The following KCNH8 variants were observed in gnomAD, a reference collection of about 807,000 sequenced individuals.
KCNH8 encodes the protein voltage-gated delayed rectifier potassium channel KCNH8.
A neutral mutation model predicts 103.6 loss-of-function variants in KCNH8; 70 were observed. The observed-to-expected ratio is 0.68, with a 90% CI of 0.56 to 0.82. The LOEUF is 0.82. Among genes scored for constraint, KCNH8 ranks in the 40% least tolerant of loss-of-function variants. The pLI is 0.00. For missense variants in KCNH8, 1,217 were observed against 1,329.9 expected (o/e 0.92, Z 1.32); for synonymous variants, 498 against 489.4 (o/e 1.02, Z -0.23).
chr3:19,423,841 C>T (rs913402086), intron 7 of KCNH8, among the ~76,000 whole-genome samples: 1 of 152,050 alleles, frequency 6.6e-6, no homozygotes, highest in African/African-American at 2.4e-5. Context: ...ACTTTTAGTT[C>T]TTTAAGGAAT....
chr3:19,462,986 A>G (rs2067663809), intron 11 of KCNH8, among the ~76,000 whole-genome samples: 1 of 152,160 alleles, frequency 6.6e-6, no homozygotes, highest in African/African-American at 2.4e-5. Flanking sequence ...AAAATCATCA[A>G]AAAGTGGTGT....
At chr3:19,218,776 TC>T (rs2063842073) in intron 1 of KCNH8, among the ~76,000 whole-genome samples, 1 of 152,178 alleles carries the variant, frequency 6.6e-6, no homozygotes. Context: ...TGTTCCTAGC[TC>T]CTCTCCTAGC....
intron 7 of KCNH8, among the ~76,000 whole-genome samples, chr3:19,420,187 G>A (rs547842901): frequency 2.8e-4 from 43 of 152,242 alleles, no homozygotes; most frequent in African/African-American, 9.1e-4. Context: ...TCATTGCTAC[G>A]GCTGCCACTG....
intron 3 of KCNH8, among the ~76,000 whole-genome samples, chr3:19,307,736 C>T (rs538118299): frequency 1.6e-4 from 24 of 151,952 alleles, no homozygotes; most frequent in Admixed American, 1.4e-3. Flanking sequence ...AAAGAAATCC[C>T]GTCATTCATG....
At chr3:19,476,770 G>A (rs1351341332) in intron 11 of KCNH8, among the ~76,000 whole-genome samples, 1 of 151,872 alleles carries the variant, frequency 6.6e-6, no homozygotes, top group Non-Finnish European at 1.5e-5. Context: ...AGAATGATAT[G>A]AGCCACGTAT....
chr3:19,191,699 CT>C (rs1004628291), intron 1 of KCNH8, among the ~76,000 whole-genome samples: 1 of 151,762 alleles, frequency 6.6e-6, no homozygotes, highest in Non-Finnish European at 1.5e-5. Context: ...TTGTCCTCTA[CT>C]GTCCAACCCT....
At chr3:19,174,074 G>A (rs1044435923) in intron 1 of KCNH8, among the ~76,000 whole-genome samples, 5 of 151,108 alleles carry the variant, frequency 3.3e-5, no homozygotes, top group African/African-American at 9.8e-5. Context: ...ACTCTACACC[G>A]CTTGATTCTG....
At chr3:19,419,208 T>TG (rs1424046626) in intron 7 of KCNH8, among the ~76,000 whole-genome samples, 9 of 141,698 alleles carry the variant, frequency 6.4e-5, no homozygotes, top group African/African-American at 2.1e-4. Context: ...TTTTTTTTTT[T>TG]TTTTTTTTTG....
At chr3:19,373,822 T>C (rs954196989) in intron 5 of KCNH8, among the ~76,000 whole-genome samples, 11 of 152,298 alleles carry the variant, frequency 7.2e-5, no homozygotes, top group East Asian at 3.9e-4. Flanking sequence ...TTGTTCTCGT[T>C]GGTTTCAAAG....
In KCNH8 at chr3:19,533,744, G is replaced by T. The variant is rs757443662; in HGVS notation, c.2969G>T (p.Ser990Ile). The T allele has an allele frequency of 6.2e-7, 1 of 1,614,138 alleles. No homozygotes were observed. The highest frequency in any genetic ancestry group is 1.1e-5 in the South Asian group (1 of 91,070). The change falls in exon 16 of 16, where the codon AGC (serine) becomes ATC (isoleucine). Residue 990 changes from serine to isoleucine, a missense_variant. This residue lies in a region of KCNH8 where 558 missense variants were observed against 495.8 expected (regional missense o/e 1.13). Transcript: ENST00000328405. Reference sequence around the variant, plus strand: ...GACAGTGAACTTTATCATTCTCCAAGCCTTGATTATTCACCTTCCCACTAC... The same window carrying T: ...GACAGTGAACTTTATCATTCTCCAATCCTTGATTATTCACCTTCCCACTAC... ...PADSELYHSP[S>I]LDYSPSHYQV...
chr3:19,289,258 T>A (rs1427820012), intron 3 of KCNH8, among the ~76,000 whole-genome samples: 3 of 152,098 alleles, frequency 2.0e-5, no homozygotes, highest in Non-Finnish European at 4.4e-5. Flanking sequence ...ATTTTGGCTT[T>A]TGTTGCCATT....
Position 19,170,584 on chromosome 3 carries a change from C to CTATATATATATATATA in KCNH8, c.76+21799_76+21814dup, listed in dbSNP as rs113772694. On this transcript the variant is annotated intron_variant, in intron 1 of 15. Coordinates refer to ENST00000328405, the MANE Select transcript of KCNH8 (RefSeq NM_144633.3). ...GCAAGTGCCCCACTTCTTGGGGCAT[C>CTATATATATATATATA]TATATATATATATATATATATATAT... is the stretch of plus-strand genomic sequence containing the variant. Among the ~76,000 whole-genome samples, 71 of 114,028 alleles carry CTATATATATATATATA rather than the reference C, an allele frequency of 6.2e-4. 1 individual carries two copies. Among genetic ancestry groups the CTATATATATATATATA allele is most frequent in the African/African-American group, 2.2e-3 (69 of 31,204 alleles). 74.8% of individuals were successfully genotyped at this position (114,028 alleles called of 152,430 possible).
At chr3:19,283,587 T>C (rs942498011) in intron 3 of KCNH8, among the ~76,000 whole-genome samples, 4 of 151,958 alleles carry the variant, frequency 2.6e-5, no homozygotes, top group African/African-American at 9.7e-5. Context: ...AAATGTCCCA[T>C]AGAAGTATGT....
intron 11 of KCNH8, among the ~76,000 whole-genome samples, chr3:19,505,814 T>C (rs907512725): frequency 6.6e-6 from 1 of 152,218 alleles, no homozygotes; most frequent in Non-Finnish European, 1.5e-5. Flanking sequence ...TCATAGATTT[T>C]GGTCTGTTTA....
Position 19,451,366 on chromosome 3 carries a change from T to TG in KCNH8, c.1789dup (p.Glu597GlyfsTer4). On this transcript the variant is annotated frameshift_variant, in exon 10 of 16. Coordinates refer to ENST00000328405, the MANE Select transcript of KCNH8 (RefSeq NM_144633.3). LOFTEE classifies it high-confidence loss of function. ...ATCTACTTTGTATGCTCGGGCTCCA[T>TG]GGAAGTTCTTAAAGACAGCATGGTG... 1 of 1,613,820 alleles carries TG rather than the reference T, an allele frequency of 6.2e-7. No individual in the cohort carries two copies. The highest frequency in any genetic ancestry group is 8.5e-7 in the Non-Finnish European group (1 of 1,179,804).
At chr3:19,527,572 G>A (rs1037803911) in intron 15 of KCNH8, among the ~76,000 whole-genome samples, 2 of 151,952 alleles carry the variant, frequency 1.3e-5, no homozygotes, top group Non-Finnish European at 1.5e-5. Context: ...AACATGAGAG[G>A]AGTAAACCAG....
intron 7 of KCNH8, among the ~76,000 whole-genome samples, chr3:19,430,431 T>G (rs1260371853): frequency 6.6e-6 from 1 of 152,012 alleles, no homozygotes. Context: ...TTTTTGTTTT[T>G]ATTTGTTTTG....
At chr3:19,293,239 T>C (rs1392912069) in intron 3 of KCNH8, among the ~76,000 whole-genome samples, 1 of 152,134 alleles carries the variant, frequency 6.6e-6, no homozygotes, top group Admixed American at 6.5e-5. Context: ...TCAGAGCTTA[T>C]ATATTTCCAC....
intron 7 of KCNH8, among the ~76,000 whole-genome samples, chr3:19,417,318 T>G (rs895590741): frequency 3.3e-5 from 5 of 151,382 alleles, no homozygotes; most frequent in African/African-American, 1.2e-4. Flanking sequence ...AGAACCACAG[T>G]ATTAATTTCT....
Sources: gnomAD v4.1 joint callset for allele counts (sites outside exome capture counted in the v4.1 genomes callset) on GRCh38, gnomAD v4.1.1 for gene constraint, gnomAD v4.1.1 regional missense constraint, MANE v1.5 for transcripts, NCBI Gene and HGNC (gene_info 2026-07-23, HGNC 2026-07-21) for gene names.